Variants in LIN7A observed in about 807,000 individuals in gnomAD.
LIN7A encodes protein lin-7 homolog A.
A neutral mutation model predicts 29.8 loss-of-function variants in LIN7A; 25 were observed. That is an observed-to-expected ratio of 0.84 (90% confidence interval 0.61 to 1.17). The LOEUF is 1.17. Among genes scored for constraint, LIN7A ranks in the 50% most tolerant of loss-of-function variants. LIN7A has a pLI of 0.00. For missense variants in LIN7A, 239 were observed against 287.0 expected, an observed-to-expected ratio of 0.83 and a Z score of 1.21; for synonymous variants, 118 against 107.5, an observed-to-expected ratio of 1.10 and a Z score of -0.60.
chr12:80,925,496 A>C (rs892922959), intron 1 of LIN7A, among the ~76,000 whole-genome samples: 2 of 152,216 alleles, frequency 1.3e-5, no homozygotes, highest in East Asian at 1.9e-4. Flanking sequence ...AGAAATAATT[A>C]TCATTGTTGG....
chr12:80,900,395 C>T (rs1318523779), intron 1 of LIN7A, among the ~76,000 whole-genome samples: 1 of 152,102 alleles, frequency 6.6e-6, no homozygotes, highest in South Asian at 2.1e-4. Context: ...TTGATGTGGG[C>T]ATTTAGCCCT....
intron 1 of LIN7A, among the ~76,000 whole-genome samples, chr12:80,894,636 T>TA (rs1237203444): frequency 2.0e-5 from 3 of 152,160 alleles, no homozygotes; most frequent in Non-Finnish European, 4.4e-5. Flanking sequence ...AAATTGAGAT[T>TA]AAAAAAAGAG....
chr12:80,927,040 A>C (rs954610604), intron 1 of LIN7A, among the ~76,000 whole-genome samples: 15 of 151,504 alleles, frequency 9.9e-5, no homozygotes, highest in African/African-American at 3.6e-4. Flanking sequence ...TTTTAATCAG[A>C]TATTAATGTT....
chr12:80,872,467 C>G (rs1874470981), intron 2 of LIN7A, among the ~76,000 whole-genome samples: 1 of 152,140 alleles, frequency 6.6e-6, no homozygotes, highest in Non-Finnish European at 1.5e-5. Context: ...ACTCCTCAAC[C>G]ATAGTAATTT....
chr12:80,841,497 A>G (rs1222898949), intron 4 of LIN7A, among the ~76,000 whole-genome samples: 2 of 152,038 alleles, frequency 1.3e-5, no homozygotes, highest in Admixed American at 6.6e-5. Context: ...AGCCCCTACA[A>G]TCACATTATG....
chr12:80,803,078 C>A (rs1592844317), intron 5 of LIN7A, among the ~76,000 whole-genome samples: 2 of 152,110 alleles, frequency 1.3e-5, no homozygotes, highest in Admixed American at 6.6e-5. Flanking sequence ...TTCTTCTAAT[C>A]CATGGGTTAT....
chr12:80,882,125 A>G (rs1188751376), intron 2 of LIN7A, among the ~76,000 whole-genome samples: 1 of 152,042 alleles, frequency 6.6e-6, no homozygotes, highest in Non-Finnish European at 1.5e-5. Flanking sequence ...TTTTTGAATG[A>G]TCAAGAACTA....
At chr12:80,813,123 G>C (rs1428562386) in intron 4 of LIN7A, among the ~76,000 whole-genome samples, 3 of 151,852 alleles carry the variant, frequency 2.0e-5, no homozygotes, top group African/African-American at 7.3e-5. Flanking sequence ...CCATTCTCCT[G>C]CCTCAGCCTC....
intron 3 of LIN7A, among the ~76,000 whole-genome samples, chr12:80,846,146 C>G (rs1451612279): frequency 6.6e-6 from 1 of 152,106 alleles, no homozygotes; most frequent in Non-Finnish European, 1.5e-5. Context: ...TCATCTATTT[C>G]CAGCTTCCTA....
At chr12:80,898,255 A>T (rs1876014230) in intron 1 of LIN7A, among the ~76,000 whole-genome samples, 1 of 151,952 alleles carries the variant, frequency 6.6e-6, no homozygotes, top group African/African-American at 2.4e-5. Flanking sequence ...GTTTTTGTCA[A>T]CTTTGTTGAA....
intron 1 of LIN7A, among the ~76,000 whole-genome samples, chr12:80,917,678 TTTCTA>T (rs763325037): frequency 6.6e-6 from 1 of 152,200 alleles, no homozygotes; most frequent in Non-Finnish European, 1.5e-5. Flanking sequence ...TAGTTTATAG[TTTCTA>T]TTCTTTCACA....
In LIN7A at chr12:80,889,382, A is replaced by G; in HGVS notation, c.83-13T>C. 3 of 1,467,330 alleles carry G rather than the reference A, an allele frequency of 2.0e-6. No individual in the cohort carries two copies. The highest frequency in any genetic ancestry group is 2.3e-5 in the East Asian group (1 of 44,062). The allele number at this position is 1,467,330 out of a possible 1,614,324, so 90.9% of individuals were successfully genotyped here. On this transcript the variant is annotated splice_polypyrimidine_tract_variant and intron_variant, in intron 1 of 5. Coordinates refer to ENST00000552864, the MANE Select transcript of LIN7A (RefSeq NM_004664.4). ...GCTCTTGCAACATCTGAATGAAAAA[A>G]AATGAAAATAGAGAAACCTAGAATA...
chr12:80,808,323 C>T (rs952568018), intron 5 of LIN7A, among the ~76,000 whole-genome samples: 6 of 152,074 alleles, frequency 3.9e-5, no homozygotes, highest in Admixed American at 1.3e-4. Context: ...AAGTACTGGT[C>T]CCAATAGGAT....
intron 1 of LIN7A, among the ~76,000 whole-genome samples, chr12:80,913,975 G>A (rs998841443): frequency 8.6e-5 from 13 of 152,042 alleles, no homozygotes; most frequent in African/African-American, 3.1e-4. Flanking sequence ...TTTATCCTTG[G>A]TTGTTTCCCC....
chr12:80,867,129 T>G (rs946655765), intron 2 of LIN7A, among the ~76,000 whole-genome samples: 4 of 152,200 alleles, frequency 2.6e-5, no homozygotes, highest in Non-Finnish European at 2.9e-5. Flanking sequence ...GTTTCACATT[T>G]TTTGTAGAGA....
chr12:80,923,436 A>G (rs144252367), intron 1 of LIN7A, among the ~76,000 whole-genome samples: 75 of 152,244 alleles, frequency 4.9e-4, no homozygotes, highest in African/African-American at 1.8e-3. Context: ...TACACTGTCT[A>G]TGGGTATTTT....
At chr12:80,825,415 T>G (rs1371758035) in intron 4 of LIN7A, among the ~76,000 whole-genome samples, 1 of 152,220 alleles carries the variant, frequency 6.6e-6, no homozygotes. Flanking sequence ...GTACCCATAA[T>G]CAGATGAAGA....
chr12:80,810,299 T>C (rs897716227), intron 5 of LIN7A, among the ~76,000 whole-genome samples: 2 of 152,224 alleles, frequency 1.3e-5, no homozygotes, highest in Non-Finnish European at 2.9e-5. Flanking sequence ...CATGCTTGGC[T>C]TATTTCACTT....
intron 1 of LIN7A, among the ~76,000 whole-genome samples, chr12:80,916,839 C>T (rs752101715): frequency 1.1e-4 from 17 of 152,056 alleles, no homozygotes; most frequent in Non-Finnish European, 2.2e-4. Context: ...AGAGCTTTCC[C>T]GCAGAGAGAG....
Sources: allele counts gnomAD v4.1 joint callset (sites outside exome capture counted in the v4.1 genomes callset), GRCh38; gene constraint gnomAD v4.1.1; transcripts MANE v1.5; gene names NCBI Gene and HGNC (gene_info 2026-07-23, HGNC 2026-07-21).